CD8B: variants seen among roughly 807,000 people sequenced by gnomAD.
CD8B encodes the protein CD8 subunit beta, also known as T-cell surface glycoprotein CD8 beta chain.
A neutral mutation model predicts 24.2 loss-of-function variants in CD8B; 6 were observed. The observed-to-expected ratio is 0.25, with a 90% CI of 0.14 to 0.49. The LOEUF is 0.49. Ranked by LOEUF, CD8B falls within the 20% of genes least tolerant of loss-of-function variation. CD8B has a pLI of 0.98. For missense variants in CD8B, 196 were observed against 271.3 expected, an observed-to-expected ratio of 0.72 and a Z score of 1.95; for synonymous variants, 84 against 108.3, an observed-to-expected ratio of 0.78 and a Z score of 1.39.
chr2:86,825,409 G>C (rs1368143373), intron 5 of CD8B, among the ~76,000 whole-genome samples: 1 of 152,198 alleles, frequency 6.6e-6, no homozygotes, highest in African/African-American at 2.4e-5. Context: ...CCTTGGGAAA[G>C]AGTCCAGGCT....
rs186628181 is a variant in CD8B at position 86,832,737 on chromosome 2, G to C, written c.620+12185C>G. Among the ~76,000 whole-genome samples, 68 of 151,874 alleles carry C rather than the reference G, an allele frequency of 4.5e-4. 1 individual carries two copies. Among genetic ancestry groups the C allele is most frequent in the African/African-American group, 1.5e-3 (62 of 41,412 alleles). On this transcript the variant is annotated intron_variant, in intron 5 of 5. Coordinates refer to the CD8B transcript ENST00000331469. ...CCTTTTTGGGAATTAGACAATGCAA[G>C]GATAAATAAAAACATTGATTCTTAG...
At chr2:86,853,231 CA>C in intron 2 of CD8B, 145 bp from the exon 3 acceptor site, 1 of 1,387,458 alleles carries the variant, frequency 7.2e-7, no homozygotes, top group Non-Finnish European at 9.8e-7. Context: ...CATTTGAGCT[CA>C]GGAGGTTGAG....
chr2:86,854,981 C>T (rs1489970860), intron 2 of CD8B, among the ~76,000 whole-genome samples: 1 of 151,806 alleles, frequency 6.6e-6, no homozygotes, highest in Non-Finnish European at 1.5e-5. Context: ...ATTAGTTGGG[C>T]GTGGTGGCAC....
intron 3 of CD8B, among the ~76,000 whole-genome samples, chr2:86,851,195 G>C (rs1675959425): frequency 6.6e-6 from 1 of 152,162 alleles, no homozygotes; most frequent in Admixed American, 6.5e-5. Flanking sequence ...CCGTCATTCA[G>C]CTGTCCTTAC....
In CD8B at chr2:86,826,308, C is replaced by T. The variant is rs78161412; in HGVS notation, c.621-10590G>A. On this transcript the variant is annotated intron_variant, in intron 5 of 5. Transcript: ENST00000331469. ...GCGGGTGATGCAGCAATAATGCCCA[C>T]GAGCTCCTCTCAACAATCAAAACAA... is the stretch of plus-strand genomic sequence containing the variant. 3.9e-3 allele frequency among the ~76,000 whole-genome samples: 587 copies of T among 152,156 alleles called. 5 individuals carry two copies. The highest frequency in any genetic ancestry group is 0.013 in the African/African-American group (555 of 41,516).
intron 3 of CD8B, 50 bp downstream of exon 3, chr2:86,852,947 A>T (rs1185667202): frequency 7.6e-7 from 1 of 1,307,260 alleles, no homozygotes; most frequent in East Asian, 2.5e-5. Context: ...GAGGGAGGGC[A>T]AGGGGATGTC....
chr2:86,857,420 TAAG>T (rs1676321509), intron 2 of CD8B, among the ~76,000 whole-genome samples: 1 of 152,046 alleles, frequency 6.6e-6, no homozygotes, highest in Non-Finnish European at 1.5e-5. Flanking sequence ...CCTGTCCCCA[TAAG>T]AAGAATAATG....
At chr2:86,827,389 G>A (rs924238043) in intron 5 of CD8B, among the ~76,000 whole-genome samples, 111 of 152,062 alleles carry the variant, frequency 7.3e-4, no homozygotes, top group Non-Finnish European at 1.9e-4. Flanking sequence ...CACATTGGTA[G>A]ACTGAGGTGG....
chr2:86,827,861 C>G (rs2104509191), intron 5 of CD8B, among the ~76,000 whole-genome samples: 1 of 152,242 alleles, frequency 6.6e-6, no homozygotes, highest in Non-Finnish European at 1.5e-5. Flanking sequence ...AGCTTATATG[C>G]AGTGATCATG....
chr2:86,819,426 C>T (rs984985933), intron 5 of CD8B, among the ~76,000 whole-genome samples: 2 of 152,182 alleles, frequency 1.3e-5, no homozygotes, highest in African/African-American at 4.8e-5. Context: ...CAGCTGGTGA[C>T]TTTAAGTTGA....
At chr2:86,856,087 G>T (rs2104576913) in intron 2 of CD8B, among the ~76,000 whole-genome samples, 1 of 152,332 alleles carries the variant, frequency 6.6e-6, no homozygotes, top group Middle Eastern at 3.4e-3. Flanking sequence ...CCTTTCTTGG[G>T]TGAGAAGGTG....
chr2:86,861,612 G>C (rs1445765172), intron 1 of CD8B, among the ~76,000 whole-genome samples: 1 of 152,144 alleles, frequency 6.6e-6, no homozygotes, highest in African/African-American at 2.4e-5. Context: ...CTCAGTCCAG[G>C]GGCTCTCCGG....
At chr2:86,837,078 G>T (rs549517858), downstream of CD8B, among the ~76,000 whole-genome samples, 167 of 152,334 alleles carry the variant, frequency 1.1e-3, no homozygotes, top group Non-Finnish European at 1.2e-3. Flanking sequence ...GATCGCTTGA[G>T]CCTGGGAGAC....
chr2:86,843,976 AC>A (rs1675552478), intron 5 of CD8B, among the ~76,000 whole-genome samples: 1 of 152,168 alleles, frequency 6.6e-6, no homozygotes, highest in South Asian at 2.1e-4. Context: ...GCTCCCCCAA[AC>A]ATTTCTGTAT....
chr2:86,823,521 C>T (rs1197983359), intron 5 of CD8B, among the ~76,000 whole-genome samples: 1 of 152,150 alleles, frequency 6.6e-6, no homozygotes, highest in Non-Finnish European at 1.5e-5. Flanking sequence ...CCCAAGGGAT[C>T]CTCCTACTTC....
rs971519231 is a variant in CD8B at position 86,839,910 on chromosome 2, T to C, written c.*2397A>G. Among the ~76,000 whole-genome samples, 1 of 152,166 alleles carries C rather than the reference T, an allele frequency of 6.6e-6. No individual in the cohort carries two copies. Among genetic ancestry groups the C allele is most frequent in the Non-Finnish European group, 1.5e-5 (1 of 68,016 alleles). On this transcript the variant is annotated 3_prime_UTR_variant, in exon 6 of 6. Coordinates refer to ENST00000390655, the MANE Select transcript of CD8B (RefSeq NM_004931.5). The stretch of plus-strand genomic sequence containing the variant: ...AGGGGCCCACCTGAAACACGAACCC[T>C]AGAGGAGTCTGGTCCAGCTGACCCC...
Position 86,844,941 on chromosome 2 carries a change from G to C in CD8B, c.601C>G (p.Arg201Gly). The C allele has an allele frequency of 1.3e-6, 2 of 1,556,506 alleles. No homozygotes were observed. The highest frequency in any genetic ancestry group is 8.7e-7 in the Non-Finnish European group (1 of 1,149,786). ...IHLCCRRRRA[R>G]LRFMKQFYK is the part of the protein sequence containing the mutation. Reference sequence around the variant, plus strand: ...ACTTACTGTTTCATGAAACGAAGCCGGGCTCTCCTCCGCCGGCCTGGAAGA... The same window carrying C: ...ACTTACTGTTTCATGAAACGAAGCCCGGCTCTCCTCCGCCGGCCTGGAAGA... Residue 201 changes from arginine to glycine, a missense_variant, in exon 5 of 6, where the codon CGG (arginine) becomes GGG (glycine). Physicochemically the swap from Arg to Gly is moderately radical, Grantham distance 125. Coordinates refer to ENST00000390655, the MANE Select transcript of CD8B (RefSeq NM_004931.5).
intron 1 of CD8B, among the ~76,000 whole-genome samples, chr2:86,859,233 T>C (rs1676448498): frequency 6.6e-6 from 1 of 151,420 alleles, no homozygotes; most frequent in Non-Finnish European, 1.5e-5. Context: ...GCCCAGCAAC[T>C]GATGGGTCAC....
rs1448414268 is a variant in CD8B at position 86,841,984 on chromosome 2, C to A, written c.*323G>T. ...ACCTGCAAAGATGGTGGCTAAATGG[C>A]CACCACTAAAGGTCCCAGTTCAGGG... On this transcript the variant is annotated 3_prime_UTR_variant, in exon 6 of 6. Transcript: ENST00000390655. The A allele has an allele frequency of 2.7e-6, 3 of 1,097,034 alleles. No homozygotes were observed. The highest frequency in any genetic ancestry group is 3.3e-6 in the Non-Finnish European group (3 of 902,522). 68.0% of individuals were successfully genotyped at this position (1,097,034 alleles called of 1,614,324 possible). A position where few individuals can be genotyped will look rare whatever the true frequency, so the allele number is the denominator to read the frequency against.
Sources: allele counts gnomAD v4.1 joint callset (sites outside exome capture counted in the v4.1 genomes callset), GRCh38; gene constraint gnomAD v4.1.1; transcripts MANE v1.5; gene names NCBI Gene and HGNC (gene_info 2026-07-23, HGNC 2026-07-21).